Variants in NKAIN3 observed in about 807,000 individuals in gnomAD.
The protein encoded by NKAIN3 is sodium/potassium transporting ATPase interacting 3, also known as sodium/potassium-transporting ATPase subunit beta-1-interacting protein 3.
NKAIN3 carries 25 observed loss-of-function variants against 30.2 expected under a neutral mutation model. The ratio of observed to expected loss-of-function variants is 0.83; its 90% CI spans 0.60 to 1.16. The LOEUF is 1.16. Ranked by LOEUF, NKAIN3 falls within the 50% of genes most tolerant of loss-of-function variation. The pLI is 0.00. For missense variants in NKAIN3, 225 were observed against 254.1 expected, an observed-to-expected ratio of 0.89 and a Z score of 0.78; for synonymous variants, 91 against 89.6, an observed-to-expected ratio of 1.02 and a Z score of -0.09.
chr8:62,879,105 T>G (rs1375649413), intron 4 of NKAIN3, among the ~76,000 whole-genome samples: 2 of 152,208 alleles, frequency 1.3e-5, no homozygotes, highest in African/African-American at 4.8e-5. Flanking sequence ...CCACAACGGT[T>G]GAACTAGTTT....
Position 62,848,147 on chromosome 8 carries a change from C to T in NKAIN3, c.472-70306C>T, listed in dbSNP as rs185484440. On this transcript the variant is annotated intron_variant, in intron 4 of 6. Transcript: ENST00000623646. ...GCTTTGTTCTTTCTGCTTAGGATTG[C>T]CTTGGTTATTTTGGCTCTTTTCTGG... Among the ~76,000 whole-genome samples, 4 of 152,036 alleles carry T rather than the reference C, an allele frequency of 2.6e-5. No individual in the cohort carries two copies. The East Asian group carries it at 5.8e-4, about 22-fold the overall frequency.
At chr8:62,330,617 C>T (rs1815312666) in intron 1 of NKAIN3, among the ~76,000 whole-genome samples, 1 of 151,994 alleles carries the variant, frequency 6.6e-6, no homozygotes, top group African/African-American at 2.4e-5. Context: ...CTCCAGATGG[C>T]AACCTGGACA....
intron 1 of NKAIN3, among the ~76,000 whole-genome samples, chr8:62,296,626 C>T (rs1003921647): frequency 6.6e-6 from 1 of 152,122 alleles, no homozygotes; most frequent in Non-Finnish European, 1.5e-5. Context: ...TGATTGAAAC[C>T]TTAAATTTTC....
intron 3 of NKAIN3, among the ~76,000 whole-genome samples, chr8:62,596,580 C>A (rs1200626996): frequency 6.6e-6 from 1 of 151,774 alleles, no homozygotes; most frequent in Non-Finnish European, 1.5e-5. Flanking sequence ...ATATATTTAC[C>A]CTTTTCTCTA....
chr8:62,339,668 C>T (rs1482941789), intron 1 of NKAIN3, among the ~76,000 whole-genome samples: 1 of 151,860 alleles, frequency 6.6e-6, no homozygotes, highest in African/African-American at 2.4e-5. Context: ...CTTGTAGATT[C>T]CTTTAAATTT....
intron 3 of NKAIN3, among the ~76,000 whole-genome samples, chr8:62,661,670 T>G (rs2130361362): frequency 6.6e-6 from 1 of 152,282 alleles, no homozygotes; most frequent in Middle Eastern, 3.4e-3. Context: ...ATTCTCCTGA[T>G]GTCATGATGG....
At chr8:62,829,772 A>G (rs1159272638) in intron 4 of NKAIN3, among the ~76,000 whole-genome samples, 1 of 152,188 alleles carries the variant, frequency 6.6e-6, no homozygotes, top group Non-Finnish European at 1.5e-5. Context: ...AGATAGATCT[A>G]TTTAAAAGGA....
intron 4 of NKAIN3, among the ~76,000 whole-genome samples, chr8:62,818,077 T>A (rs78962531): frequency 1.3e-5 from 2 of 152,248 alleles, no homozygotes; most frequent in East Asian, 3.9e-4. Context: ...GACTTTATGA[T>A]AGAGCTTTAT....
intron 4 of NKAIN3, among the ~76,000 whole-genome samples, chr8:62,891,954 A>G (rs1176206781): frequency 6.6e-6 from 1 of 152,138 alleles, no homozygotes; most frequent in African/African-American, 2.4e-5. Flanking sequence ...AAACTATTTG[A>G]GAATCCATGA....
In NKAIN3 at chr8:62,312,360, G is replaced by A. The variant is rs1035858622; in HGVS notation, c.54+63233G>A. ...TTGGAAGAAAATATTAGGCTCTTAA[G>A]CAAAAAATATTGATGAGCACTGTCA... is the stretch of plus-strand genomic sequence containing the variant. On this transcript the variant is annotated intron_variant, in intron 1 of 6. Coordinates refer to ENST00000623646, the MANE Select transcript of NKAIN3 (RefSeq NM_001304533.3). Among the ~76,000 whole-genome samples the A allele has an allele frequency of 1.9e-4, 29 of 150,604 alleles. 4 individuals carry two copies. Among genetic ancestry groups the A allele is most frequent in the African/African-American group, 7.3e-4 (29 of 39,976 alleles).
At chr8:62,660,385 A>G (rs1812906945) in intron 3 of NKAIN3, among the ~76,000 whole-genome samples, 1 of 152,340 alleles carries the variant, frequency 6.6e-6, no homozygotes, top group African/African-American at 2.4e-5. Context: ...TCTATAATTA[A>G]GTATATGGAT....
chr8:62,335,354 A>T (rs1815506375), intron 1 of NKAIN3, among the ~76,000 whole-genome samples: 1 of 144,924 alleles, frequency 6.9e-6, no homozygotes, highest in South Asian at 2.3e-4. Flanking sequence ...TGAACTCGGG[A>T]GGTGGAGGTT....
intron 1 of NKAIN3, among the ~76,000 whole-genome samples, chr8:62,326,833 G>A (rs975561948): frequency 6.6e-6 from 1 of 151,894 alleles, no homozygotes; most frequent in African/African-American, 2.4e-5. Context: ...GAATTGCTGG[G>A]TCATATGGTA....
chr8:62,593,346 T>TA (rs58525073), intron 3 of NKAIN3, among the ~76,000 whole-genome samples: 3,098 of 151,200 alleles, frequency 0.02, 116 homozygotes, highest in African/African-American at 0.071. Flanking sequence ...AGTACATAAT[T>TA]AAAAAAAAAT....
At chr8:62,292,406 G>T (rs1585643232) in intron 1 of NKAIN3, among the ~76,000 whole-genome samples, 1 of 152,000 alleles carries the variant, frequency 6.6e-6, no homozygotes, top group South Asian at 2.1e-4. Flanking sequence ...TTGCTTCCTT[G>T]AGGAGCTCTT....
intron 3 of NKAIN3, among the ~76,000 whole-genome samples, chr8:62,674,446 A>G (rs1813408484): frequency 6.6e-6 from 1 of 152,158 alleles, no homozygotes; most frequent in Non-Finnish European, 1.5e-5. Flanking sequence ...CCCTCTACTA[A>G]TGAAGCTCTT....
intron 4 of NKAIN3, among the ~76,000 whole-genome samples, chr8:62,791,640 C>T (rs1019584540): frequency 6.6e-6 from 1 of 151,984 alleles, no homozygotes; most frequent in Non-Finnish European, 1.5e-5. Context: ...TGATTGATAC[C>T]AGTTATGTTG....
At chr8:62,917,286 T>G (rs1430796952) in intron 4 of NKAIN3, among the ~76,000 whole-genome samples, 1 of 152,138 alleles carries the variant, frequency 6.6e-6, no homozygotes, top group Non-Finnish European at 1.5e-5. Context: ...CTTCCCAAAA[T>G]GTAAGAAATG....
At chr8:62,834,177 A>G (rs375167053) in intron 4 of NKAIN3, among the ~76,000 whole-genome samples, 2 of 152,234 alleles carry the variant, frequency 1.3e-5, no homozygotes, top group East Asian at 3.9e-4. Flanking sequence ...AACATACCTC[A>G]AAATAGTAAG....
Sources: gnomAD v4.1 joint callset for allele counts (sites outside exome capture counted in the v4.1 genomes callset) on GRCh38, gnomAD v4.1.1 for gene constraint, MANE v1.5 for transcripts, NCBI Gene and HGNC (gene_info 2026-07-23, HGNC 2026-07-21) for gene names.